The following GPHN variants were observed in gnomAD, a reference collection of about 807,000 sequenced individuals.
The protein encoded by GPHN is gephyrin.
In GPHN, 17 loss-of-function variants were observed where a neutral mutation model predicts 95.5. The observed-to-expected ratio is 0.18, with a 90% CI of 0.12 to 0.27. The LOEUF is 0.27. Among genes scored for constraint, GPHN ranks in the 10% least tolerant of loss-of-function variants. GPHN has a pLI of 1.00. For synonymous variants in GPHN, 320 were observed against 322.5 expected (o/e 0.99, Z 0.08); for missense variants, 660 against 978.1 (o/e 0.67, Z 4.34).
chr14:66,610,173 G>A (rs10138234), intron 1 of GPHN, among the ~76,000 whole-genome samples: 10,253 of 152,118 alleles, frequency 0.067, 848 homozygotes, highest in African/African-American at 0.19. Flanking sequence ...TCTTTCCCTG[G>A]GTTTCACAGA....
the GPHN span, among the ~76,000 whole-genome samples, chr14:67,316,129 A>G: frequency 2.0e-5 from 3 of 152,238 alleles, no homozygotes; most frequent in African/African-American, 7.2e-5. Context: ...ACCTCAACGT[A>G]ATTCAGAATC....
the GPHN span, chr14:67,301,901 A>C: frequency 1.4e-6 from 2 of 1,477,268 alleles, no homozygotes; most frequent in South Asian, 1.4e-5. Context: ...TACTATGTAC[A>C]TAGGTTAAAA....
chr14:67,372,837 A>C, the GPHN span, among the ~76,000 whole-genome samples: 2 of 151,788 alleles, frequency 1.3e-5, no homozygotes, highest in Non-Finnish European at 1.5e-5. Context: ...AAAAAAAAAA[A>C]CAAAAAACAA....
At chr14:67,095,966 CA>C in intron 12 of GPHN, among the ~76,000 whole-genome samples, 1,415 of 67,080 alleles carry the variant, frequency 0.021, 10 homozygotes, top group African/African-American at 0.04. Context: ...AAGAAAAAGG[CA>C]AAAAAAAAAA....
At position 66,961,908 on chromosome 14, in the gene GPHN, A is replaced by G. The variant is rs1368331709; in HGVS notation, c.829-3283A>G. Among the ~76,000 whole-genome samples the G allele has an allele frequency of 1.1e-3, 86 of 76,728 alleles. 1 individual carries two copies. The highest frequency in any genetic ancestry group is 2.2e-3 in the Non-Finnish European group (65 of 29,254). The allele number at this position is 76,728 out of a possible 152,430, so 50.3% of individuals were successfully genotyped here. ...ATTCTATCCCTGAATGTGTATATAT[A>G]TATATATATATATATATATATATAT... is the stretch of plus-strand genomic sequence containing the variant. On this transcript the variant is annotated intron_variant, in intron 8 of 22. Transcript: ENST00000478722.
intron 12 of GPHN, among the ~76,000 whole-genome samples, chr14:67,099,898 A>G (rs1375686778): frequency 6.6e-6 from 1 of 152,190 alleles, no homozygotes; most frequent in African/African-American, 2.4e-5. Context: ...CTGTTTGCAG[A>G]TAACATGAAG....
chr14:66,999,414 A>T (rs564780681), intron 9 of GPHN, among the ~76,000 whole-genome samples: 5 of 151,934 alleles, frequency 3.3e-5, no homozygotes, highest in Non-Finnish European at 7.4e-5. Flanking sequence ...AAAATGTTAG[A>T]CATCTAACAT....
chr14:66,806,847 C>T (rs1182416882), intron 3 of GPHN, among the ~76,000 whole-genome samples: 1 of 152,182 alleles, frequency 6.6e-6, no homozygotes, highest in Non-Finnish European at 1.5e-5. Flanking sequence ...CCACATTTTT[C>T]TGTCTTCTTT....
chr14:67,572,958 GC>G, the GPHN span, among the ~76,000 whole-genome samples: 2 of 152,146 alleles, frequency 1.3e-5, no homozygotes, highest in Non-Finnish European at 2.9e-5. Flanking sequence ...AACAAGGCCA[GC>G]TCAGGGCCGG....
At chr14:67,238,620 T>C in the GPHN span, among the ~76,000 whole-genome samples, 4 of 151,992 alleles carry the variant, frequency 2.6e-5, no homozygotes. Context: ...TCTTTTAACA[T>C]GAAAATATCT....
chr14:67,143,687 C>G (rs1157317213), intron 18 of GPHN, among the ~76,000 whole-genome samples: 1 of 152,116 alleles, frequency 6.6e-6, no homozygotes, highest in East Asian at 1.9e-4. Context: ...TTTGCTATTC[C>G]TGTGGAAACT....
chr14:67,348,079 T>TC, the GPHN span, among the ~76,000 whole-genome samples: 1 of 150,984 alleles, frequency 6.6e-6, no homozygotes, highest in East Asian at 2.0e-4. Context: ...CCAGCTAATT[T>TC]TTTTTTTTTT....
chr14:67,285,877 A>G, the GPHN span, among the ~76,000 whole-genome samples: 1 of 152,094 alleles, frequency 6.6e-6, no homozygotes, highest in Non-Finnish European at 1.5e-5. Context: ...GGATTTGTGG[A>G]CCCATGTGTA....
At chr14:67,303,361 A>G in the GPHN span, among the ~76,000 whole-genome samples, 3 of 152,324 alleles carry the variant, frequency 2.0e-5, no homozygotes, top group African/African-American at 7.2e-5. Context: ...ACTTATTTTC[A>G]TCCAGCCCCA....
At chr14:67,298,597 G>A in the GPHN span, among the ~76,000 whole-genome samples, 28 of 152,180 alleles carry the variant, frequency 1.8e-4, no homozygotes, top group African/African-American at 6.7e-4. Context: ...AATAAAGAAG[G>A]GGTATATACA....
chr14:66,741,709 C>A (rs2072807148), intron 2 of GPHN, among the ~76,000 whole-genome samples: 1 of 152,170 alleles, frequency 6.6e-6, no homozygotes, highest in Admixed American at 6.5e-5. Context: ...TAGCTGACAT[C>A]AAATTATTTC....
intron 1 of GPHN, among the ~76,000 whole-genome samples, chr14:66,546,821 G>A (rs2059621585): frequency 6.7e-6 from 1 of 148,644 alleles, no homozygotes; most frequent in African/African-American, 2.5e-5. Context: ...GGGGGAGGGA[G>A]AGGGCCGCGT....
the GPHN span, among the ~76,000 whole-genome samples, chr14:67,357,264 G>GC: frequency 6.6e-6 from 1 of 152,234 alleles, no homozygotes; most frequent in Non-Finnish European, 1.5e-5. Flanking sequence ...ATATTTTCTA[G>GC]CCTATGGCTT....
At chr14:67,458,636 A>G in the GPHN span, among the ~76,000 whole-genome samples, 1 of 152,180 alleles carries the variant, frequency 6.6e-6, no homozygotes, top group Non-Finnish European at 1.5e-5. Flanking sequence ...AGCTAGGTAG[A>G]ACCAGGTCCT....
Sources: allele counts gnomAD v4.1 joint callset (sites outside exome capture counted in the v4.1 genomes callset), GRCh38; gene constraint gnomAD v4.1.1; transcripts MANE v1.5; gene names NCBI Gene and HGNC (gene_info 2026-07-23, HGNC 2026-07-21).